FTO: variants seen among roughly 807,000 people sequenced by gnomAD.
FTO encodes the protein FTO alpha-ketoglutarate dependent dioxygenase, also known as alpha-ketoglutarate-dependent dioxygenase FTO.
FTO carries 47 observed loss-of-function variants against 63.9 expected under a neutral mutation model. That is an observed-to-expected ratio of 0.74 (90% CI 0.58 to 0.94). The LOEUF (loss-of-function observed/expected upper bound fraction) is 0.94. FTO is among the 40% of genes least tolerant of loss of function. FTO has a pLI of 0.00. For synonymous variants in FTO, 207 were observed against 224.4 expected, an observed-to-expected ratio of 0.92 and a Z score of 0.69; for missense variants, 562 against 618.1, an observed-to-expected ratio of 0.91 and a Z score of 0.96.
chr16:53,979,553 G>A, intron 8 of FTO: 1 of 395,194 alleles, frequency 2.5e-6, no homozygotes, highest in South Asian at 1.3e-4. Context: ...GTGTGTGTGT[G>A]TGTGTGTGTG....
intron 8 of FTO, among the ~76,000 whole-genome samples, chr16:54,049,453 G>C (rs573346466): frequency 3.3e-5 from 5 of 152,194 alleles, no homozygotes; most frequent in Non-Finnish European, 4.4e-5. Context: ...ACCATTTCAG[G>C]CTGATCTACC....
rs2084175294 is a variant in FTO, at chr16:54,005,277, T to TA, written c.1364+71169dup. On this transcript the variant is annotated intron_variant, in intron 8 of 8. Transcript: ENST00000471389. ...TTATATTATTAAATTAATATATTTT[T>TA]ATTTTATAAAATAAAAATATTAAGC... Among the ~76,000 whole-genome samples, 7 of 146,640 alleles carry TA rather than the reference T, an allele frequency of 4.8e-5. No homozygotes were observed. In the South Asian group the frequency reaches 1.5e-3, roughly 31 times the overall value.
At chr16:53,992,328 C>G (rs1035199060) in intron 8 of FTO, 4 of 152,212 alleles carry the variant, frequency 2.6e-5, no homozygotes, top group Non-Finnish European at 5.9e-5. Flanking sequence ...CTTTGCCACC[C>G]CGCTCCTGAG....
chr16:54,110,193 C>T (rs1409245126), intron 8 of FTO, among the ~76,000 whole-genome samples: 1 of 152,180 alleles, frequency 6.6e-6, no homozygotes, highest in Non-Finnish European at 1.5e-5. Flanking sequence ...GTCTACAGAA[C>T]GCACCCTCTG....
chr16:53,865,707 G>T (rs916508917), intron 4 of FTO, among the ~76,000 whole-genome samples: 3 of 152,132 alleles, frequency 2.0e-5, no homozygotes, highest in African/African-American at 4.8e-5. Context: ...ATGACTTACT[G>T]CAACAGCTTC....
rs527906215 is a variant in FTO, at chr16:53,808,903, T to G, written c.46-1237T>G. Among the ~76,000 whole-genome samples, 11 of 152,374 alleles carry G rather than the reference T, an allele frequency of 7.2e-5. No individual in the cohort carries two copies. In the East Asian group the frequency reaches 2.1e-3, roughly 29 times the overall value. ...CCCAGTTGTTTCTGCTGTTTTTGCTTTCTTTCTTACAGATAATGTCTGTTG... is the reference window on the plus strand; with the variant it reads ...CCCAGTTGTTTCTGCTGTTTTTGCTGTCTTTCTTACAGATAATGTCTGTTG... On this transcript the variant is annotated intron_variant, in intron 1 of 8. Coordinates refer to ENST00000471389, the MANE Select transcript of FTO (RefSeq NM_001080432.3).
chr16:54,029,229 G>T (rs1322102750), intron 8 of FTO, among the ~76,000 whole-genome samples: 2 of 152,144 alleles, frequency 1.3e-5, no homozygotes, highest in Admixed American at 6.6e-5. Context: ...CATGTCACAG[G>T]CCTCACTAAA....
At chr16:53,838,626 C>A (rs1174581527) in intron 3 of FTO, among the ~76,000 whole-genome samples, 1 of 152,134 alleles carries the variant, frequency 6.6e-6, no homozygotes, top group Non-Finnish European at 1.5e-5. Flanking sequence ...TCTTTTGTAT[C>A]TTAGCTCTTG....
At chr16:54,096,959 A>G (rs2086528289) in intron 8 of FTO, among the ~76,000 whole-genome samples, 3 of 152,214 alleles carry the variant, frequency 2.0e-5, no homozygotes, top group African/African-American at 7.2e-5. Context: ...GTGTTGTCCT[A>G]GGGCTGGAGG....
intron 8 of FTO, among the ~76,000 whole-genome samples, chr16:53,988,583 C>T (rs2083727315): frequency 6.6e-6 from 1 of 152,170 alleles, no homozygotes; most frequent in African/African-American, 2.4e-5. Context: ...TGAGCACCTA[C>T]TATGTGCCAA....
At chr16:53,943,711 A>G (rs2082591659) in intron 8 of FTO, among the ~76,000 whole-genome samples, 1 of 152,230 alleles carries the variant, frequency 6.6e-6, no homozygotes, top group Non-Finnish European at 1.5e-5. Flanking sequence ...TGACCAAAAT[A>G]AAGTCATTCA....
intron 3 of FTO, among the ~76,000 whole-genome samples, chr16:53,834,310 C>T (rs1253765642): frequency 6.6e-6 from 1 of 152,162 alleles, no homozygotes; most frequent in African/African-American, 2.4e-5. Flanking sequence ...AGGCGTGAGC[C>T]ACCGCGCCCG....
intron 1 of FTO, among the ~76,000 whole-genome samples, chr16:53,720,573 CATTT>C (rs893492940): frequency 4.0e-5 from 6 of 148,970 alleles, no homozygotes; most frequent in African/African-American, 1.5e-4. Context: ...TCATCTCAAA[CATTT>C]ATTATTTCTT....
chr16:54,076,453 GA>G (rs1425687883), intron 8 of FTO, among the ~76,000 whole-genome samples: 12 of 152,130 alleles, frequency 7.9e-5, no homozygotes, highest in Admixed American at 6.5e-4. Context: ...AGTATACAGG[GA>G]AAAGAATAGC....
chr16:53,873,987 C>A, intron 5 of FTO, 122 bp downstream of exon 5: 1 of 734,240 alleles, frequency 1.4e-6, no homozygotes, highest in Non-Finnish European at 2.4e-6. Flanking sequence ...TCTAACTTGA[C>A]TTTCGTCTCT....
chr16:53,826,683 C>G (rs2079015425), intron 3 of FTO, among the ~76,000 whole-genome samples, 192 bp downstream of exon 3: 1 of 152,192 alleles, frequency 6.6e-6, no homozygotes, highest in African/African-American at 2.4e-5. Context: ...GAATATGCCT[C>G]TTTCTCATCT....
intron 3 of FTO, among the ~76,000 whole-genome samples, chr16:53,839,978 CATTTTTAGT>C (rs1315468773): frequency 6.6e-6 from 1 of 151,376 alleles, no homozygotes; most frequent in Non-Finnish European, 1.5e-5. Context: ...CTAATTTTTG[CATTTTTAGT>C]AGAGATGGGG....
intron 1 of FTO, among the ~76,000 whole-genome samples, chr16:53,794,386 G>A (rs1342719347): frequency 2.6e-5 from 4 of 152,164 alleles, no homozygotes; most frequent in Non-Finnish European, 5.9e-5. Flanking sequence ...TTGTAGACCC[G>A]AAAGCTAACT....
At chr16:54,092,457 GAAC>G (rs1382915758) in intron 8 of FTO, among the ~76,000 whole-genome samples, 1 of 152,120 alleles carries the variant, frequency 6.6e-6, no homozygotes, top group Non-Finnish European at 1.5e-5. Context: ...AACCTCCCAA[GAAC>G]AGAGTCTCTA....
Sources: allele counts gnomAD v4.1 joint callset (sites outside exome capture counted in the v4.1 genomes callset), GRCh38; gene constraint gnomAD v4.1.1; transcripts MANE v1.5; gene names NCBI Gene and HGNC (gene_info 2026-07-23, HGNC 2026-07-21).